Variants in UROC1 observed in about 807,000 individuals in gnomAD.
The protein encoded by UROC1 is urocanate hydratase 1, also known as urocanate hydratase.
UROC1 carries 79 observed loss-of-function variants against 89.5 expected under a neutral mutation model. That is an observed-to-expected ratio of 0.88 (90% CI 0.74 to 1.06). UROC1 has a LOEUF of 1.06. Ranked by LOEUF, UROC1 falls within the 50% of genes least tolerant of loss-of-function variation. The pLI, the probability that UROC1 is intolerant of heterozygous loss-of-function variation, is 0.00. For missense variants in UROC1, 885 were observed against 907.8 expected, an observed-to-expected ratio of 0.97 and a Z score of 0.32; for synonymous variants, 361 against 354.8, an observed-to-expected ratio of 1.02 and a Z score of -0.20.
chr3:126,501,016 G>A lies in UROC1; in HGVS notation c.966-142C>T, dbSNP rs1219028316. ...CCGAGCCAGACCCTGCTTTCCCCCT[G>A]GAAAGAGAACCTACGGGAAGGCTGT... On this transcript the variant is annotated intron_variant, in intron 10 of 19. Transcript: ENST00000290868. The A allele has an allele frequency of 2.2e-6, 3 of 1,363,480 alleles. No individual in the cohort carries two copies. In the African/African-American group the frequency reaches 4.3e-5, roughly 20 times the overall value. 84.5% of individuals were successfully genotyped at this position (1,363,480 alleles called of 1,614,324 possible). A position where few individuals can be genotyped will look rare whatever the true frequency, so the allele number is the denominator to read the frequency against.
In UROC1 at chr3:126,510,732, C is replaced by T. The variant is rs753354164; in HGVS notation, c.189G>A (p.Glu63=). ...PPDVQELLAP[E]FAQELQLYGH... Reference sequence around the variant, plus strand: ...CGTACAGTTGCAGCTCCTGGGCAAACTCTGGGGCCAGCAGCTCCTGGACAT... The same window carrying T: ...CGTACAGTTGCAGCTCCTGGGCAAATTCTGGGGCCAGCAGCTCCTGGACAT... The change falls in exon 2 of 20, where the codon GAG becomes GAA. Residue 63 remains glutamate (E), a synonymous_variant. Transcript: ENST00000290868. The T allele has an allele frequency of 9.9e-6, 16 of 1,614,084 alleles. No homozygotes were observed. The highest frequency in any genetic ancestry group is 1.4e-5 in the Non-Finnish European group (16 of 1,180,060).
rs200384323 is a variant in UROC1, at chr3:126,498,140, C to T, written c.1349G>A (p.Arg450His). 1,319 of 1,614,166 alleles carry T rather than the reference C, an allele frequency of 8.2e-4. 8 individuals carry two copies. Among genetic ancestry groups the T allele is most frequent in the Non-Finnish European group, 3.2e-4 (372 of 1,180,006 alleles). ...GGGGTCCCCCGATGTGCACACCCAGCGGAAAGGCCCAAATCCCTGGGAGAA... is the reference window on the plus strand; with the variant it reads ...GGGGTCCCCCGATGTGCACACCCAGTGGAAAGGCCCAAATCCCTGGGAGAA... ...DIFSQGFGPF[R>H]WVCTSGDPQD... Residue 450 changes from arginine (R) to histidine (H), a missense_variant, in exon 14 of 20, where the codon CGC becomes CAC. By Grantham distance (29) the Arg-to-His change is conservative. Transcript: ENST00000290868.
intron 17 of UROC1, 82 bp downstream of exon 17, chr3:126,489,194 A>C: frequency 7.4e-7 from 1 of 1,358,220 alleles, no homozygotes; most frequent in Admixed American, 1.7e-5. Flanking sequence ...ATCTTTCGAA[A>C]CATTGTGACT....
At chr3:126,495,875 G>C (rs977554001) in intron 15 of UROC1, among the ~76,000 whole-genome samples, 163 bp downstream of exon 15, 1 of 152,196 alleles carries the variant, frequency 6.6e-6, no homozygotes, top group Non-Finnish European at 1.5e-5. Context: ...GGCCACCATG[G>C]GGCTGGCACA....
In UROC1 at chr3:126,505,898, C is replaced by G. The variant is rs1189758308; in HGVS notation, c.669+47G>C. 6 of 1,611,582 alleles carry G rather than the reference C, an allele frequency of 3.7e-6. No individual in the cohort carries two copies. In the African/African-American group the frequency reaches 8.0e-5, roughly 22 times the overall value. On this transcript the variant is annotated intron_variant, in intron 7 of 19. Coordinates refer to ENST00000290868, the MANE Select transcript of UROC1 (RefSeq NM_144639.3). ...GCCCACTCCCAGCCCGCCCCCTCCA[C>G]CCCCCATGCTGGGAAGCCCACAGCC...
intron 9 of UROC1, 146 bp downstream of exon 9, chr3:126,503,849 A>C: frequency 1.2e-6 from 1 of 848,348 alleles, no homozygotes; most frequent in Admixed American, 1.8e-5. Context: ...GTATATGTAC[A>C]TGTGCATGTA....
chr3:126,506,109 C>T (rs750936664), intron 6 of UROC1, 98 bp from the exon 7 acceptor site: 3 of 1,313,826 alleles, frequency 2.3e-6, no homozygotes, highest in Non-Finnish European at 3.3e-6. Context: ...TAGTATTTAA[C>T]TACCCAATAG....
intron 11 of UROC1, among the ~76,000 whole-genome samples, chr3:126,500,442 C>A (rs1045208777): frequency 6.6e-6 from 1 of 152,214 alleles, no homozygotes. Flanking sequence ...AGGTCTCACA[C>A]CCCAGCATCT....
At chr3:126,508,227 C>G (rs535437075) in intron 4 of UROC1, 132 bp from the exon 5 acceptor site, 1 of 1,528,322 alleles carries the variant, frequency 6.5e-7, no homozygotes, top group African/African-American at 1.4e-5. Flanking sequence ...GGCCCTGGTG[C>G]CTCCCTCAAC....
chr3:126,487,874 G>T (rs1364489606), intron 18 of UROC1, among the ~76,000 whole-genome samples: 2 of 152,204 alleles, frequency 1.3e-5, no homozygotes, highest in African/African-American at 4.8e-5. Flanking sequence ...GGGAACACAT[G>T]GAAACTGACA....
chr3:126,500,770 A>G lies in UROC1; in HGVS notation c.1070T>C (p.Val357Ala), dbSNP rs752834452. The change falls in exon 11 of 20, where the codon GTG becomes GCG. Residue 357 changes from valine (V) to alanine (A), a missense_variant. Transcript: ENST00000290868. ...CTGGGCCTCCGTGAAGCTGAGCTGC[A>G]CAGGGTAGTAGCCGCCATTGAACGG... ...HNPFNGGYYPVQLSFTEAQSL... is the reference protein window; with the variant it reads ...HNPFNGGYYPAQLSFTEAQSL... The G allele has an allele frequency of 9.9e-6, 16 of 1,613,972 alleles. No homozygotes were observed. The African/African-American group carries it at 1.9e-4, about 19-fold the overall frequency.
At chr3:126,482,954 G>A (rs896344565) in intron 19 of UROC1, among the ~76,000 whole-genome samples, 1 of 151,770 alleles carries the variant, frequency 6.6e-6, no homozygotes. Context: ...TGCCACAGCC[G>A]GGGCATCTCC....
chr3:126,497,914 CCA>C, intron 14 of UROC1, 135 bp downstream of exon 14: 1 of 1,477,334 alleles, frequency 6.8e-7, no homozygotes, highest in African/African-American at 1.4e-5. Flanking sequence ...TGAGCACCCA[CCA>C]GACTCACAAA....
chr3:126,513,168 G>GTGT (rs71629462), intron 1 of UROC1, among the ~76,000 whole-genome samples: 1 of 151,852 alleles, frequency 6.6e-6, no homozygotes, highest in Non-Finnish European at 1.5e-5. Flanking sequence ...GTGTGTGTGT[G>GTGT]TTCAGCCTAG....
chr3:126,494,757 C>T lies in UROC1; in HGVS notation c.1509+1281G>A, dbSNP rs545817564. 5.9e-5 allele frequency among the ~76,000 whole-genome samples: 9 copies of T among 152,328 alleles called. No individual in the cohort carries two copies. In the East Asian group the frequency reaches 1.7e-3, roughly 29 times the overall value. On this transcript the variant is annotated intron_variant, in intron 15 of 19. Coordinates refer to ENST00000290868, the MANE Select transcript of UROC1 (RefSeq NM_144639.3). ...CCTCGATTGTCACATGGTTGCAACC[C>T]TCTCAGCATGTAGACCTGGATGCAC...
intron 11 of UROC1, 51 bp from the exon 12 acceptor site, chr3:126,500,205 C>T (rs1310679942): frequency 1.9e-6 from 3 of 1,584,592 alleles, no homozygotes; most frequent in Admixed American, 1.7e-5. Context: ...TGGGGCCTCC[C>T]CAATGTGGCA....
In UROC1 at chr3:126,492,532, C is replaced by A. The variant is rs1935679522; in HGVS notation, c.1510-16G>T. 1 of 1,602,128 alleles carries A rather than the reference C, an allele frequency of 6.2e-7. No homozygotes were observed. Among genetic ancestry groups the A allele is most frequent in the African/African-American group, 1.3e-5 (1 of 74,718 alleles). On this transcript the variant is annotated splice_polypyrimidine_tract_variant and intron_variant, in intron 15 of 19. Transcript: ENST00000290868. Reference sequence around the variant, plus strand: ...AGCCCACCACCTGAGGAGAGAAGGGCAACTGGCATCTCAGCCAACATAGGC... The same window carrying A: ...AGCCCACCACCTGAGGAGAGAAGGGAAACTGGCATCTCAGCCAACATAGGC...
intron 17 of UROC1, 48 bp from the exon 18 acceptor site, chr3:126,488,327 G>T (rs1407346200): frequency 1.3e-6 from 2 of 1,599,968 alleles, no homozygotes; most frequent in African/African-American, 2.7e-5. Flanking sequence ...CACTGGGTGG[G>T]CACCTGGCTC....
chr3:126,509,238 T>TAA (rs531755748), intron 3 of UROC1, among the ~76,000 whole-genome samples: 14 of 122,554 alleles, frequency 1.1e-4, no homozygotes, highest in African/African-American at 1.2e-4. Context: ...CCTGTCTCTC[T>TAA]AAAAAAAAAA....
Sources: gnomAD v4.1 joint callset for allele counts (sites outside exome capture counted in the v4.1 genomes callset) on GRCh38, gnomAD v4.1.1 for gene constraint, MANE v1.5 for transcripts, NCBI Gene and HGNC (gene_info 2026-07-23, HGNC 2026-07-21) for gene names.